The following DLGAP2 variants were observed in gnomAD, a reference collection of about 807,000 sequenced individuals.
DLGAP2 encodes DLG associated protein 2, also known as disks large-associated protein 2.
A neutral mutation model predicts 100.3 loss-of-function variants in DLGAP2; 26 were observed. The ratio of observed to expected loss-of-function variants is 0.26; its 90% CI spans 0.19 to 0.36. The LOEUF (loss-of-function observed/expected upper bound fraction) is 0.36, where lower values mean the gene tolerates loss of function less well. DLGAP2 is among the 10% of genes least tolerant of loss of function. DLGAP2 has a pLI of 1.00. For synonymous variants in DLGAP2, 886 were observed against 630.1 expected (o/e 1.41, Z -6.08); for missense variants, 1,858 against 1,453.2 (o/e 1.28, Z -4.53).
chr8:897,679 C>G (rs1166148936), intron 1 of DLGAP2, among the ~76,000 whole-genome samples: 1 of 152,144 alleles, frequency 6.6e-6, no homozygotes, highest in South Asian at 2.1e-4. Context: ...GGCAGCCGCT[C>G]TCCTCCCGCC....
At chr8:1,413,807 C>G (rs1377801720) in intron 3 of DLGAP2, among the ~76,000 whole-genome samples, 2 of 152,264 alleles carry the variant, frequency 1.3e-5, no homozygotes, top group East Asian at 3.8e-4. Context: ...TCAGTGCACA[C>G]ACGCCTGCCA....
At chr8:1,405,283 C>T (rs1291438475) in intron 3 of DLGAP2, among the ~76,000 whole-genome samples, 161 of 8,634 alleles carry the variant, frequency 0.019, 34 homozygotes, top group African/African-American at 0.073. Flanking sequence ...GCTTACTGAG[C>T]GCTCCCTCCT....
At chr8:1,450,794 A>C (rs1156554612) in intron 3 of DLGAP2, among the ~76,000 whole-genome samples, 2 of 152,190 alleles carry the variant, frequency 1.3e-5, no homozygotes, top group Non-Finnish European at 2.9e-5. Context: ...CCTGGGAGAC[A>C]GAAAAGTACT....
intron 6 of DLGAP2, among the ~76,000 whole-genome samples, chr8:1,602,710 T>C (rs1429884121): frequency 1.3e-5 from 2 of 152,232 alleles, no homozygotes; most frequent in Admixed American, 1.3e-4. Flanking sequence ...CATTCATTCA[T>C]TTATTCATCC....
intron 4 of DLGAP2, among the ~76,000 whole-genome samples, chr8:1,508,903 C>G (rs566898832): frequency 6.6e-6 from 1 of 152,208 alleles, no homozygotes; most frequent in East Asian, 2.0e-4. Flanking sequence ...TTGCCACATT[C>G]TCAATGGTTT....
intron 3 of DLGAP2, among the ~76,000 whole-genome samples, chr8:1,327,773 G>C (rs537631304): frequency 2.8e-4 from 42 of 152,326 alleles, no homozygotes; most frequent in African/African-American, 9.6e-4. Context: ...GAACCCAGGA[G>C]GGGGAGCTTG....
intron 1 of DLGAP2, among the ~76,000 whole-genome samples, chr8:850,504 G>A (rs915851485): frequency 1.3e-5 from 2 of 152,026 alleles, no homozygotes; most frequent in African/African-American, 4.8e-5. Context: ...GAATATTTTG[G>A]AATAGGGAAA....
chr8:1,194,760 A>T (rs189798257), intron 2 of DLGAP2, among the ~76,000 whole-genome samples: 37 of 152,240 alleles, frequency 2.4e-4, no homozygotes, highest in Admixed American at 8.5e-4. Context: ...ATTAGACCTG[A>T]AGTTTGGAAC....
intron 3 of DLGAP2, among the ~76,000 whole-genome samples, chr8:1,467,579 T>G (rs11987128): frequency 6.6e-6 from 1 of 151,952 alleles, no homozygotes; most frequent in Non-Finnish European, 1.5e-5. Context: ...GGGCATTTGG[T>G]GTGCACAGAG....
intron 4 of DLGAP2, among the ~76,000 whole-genome samples, chr8:1,528,417 C>T: frequency 6.6e-6 from 1 of 152,248 alleles, no homozygotes; most frequent in Non-Finnish European, 1.5e-5. Flanking sequence ...CAGAAGACGT[C>T]ATAAACTCCT....
chr8:1,055,766 G>A (rs562323938), intron 2 of DLGAP2, among the ~76,000 whole-genome samples: 2 of 152,290 alleles, frequency 1.3e-5, no homozygotes, highest in East Asian at 1.9e-4. Flanking sequence ...GAGTTTTCAC[G>A]GCTCATTCCA....
chr8:1,076,617 T>C (rs1372176818), intron 2 of DLGAP2, among the ~76,000 whole-genome samples: 1 of 152,192 alleles, frequency 6.6e-6, no homozygotes, highest in African/African-American at 2.4e-5. Context: ...TTAGAAACTT[T>C]GCGGTCTGTA....
At chr8:1,443,524 C>G (rs1403367951) in intron 3 of DLGAP2, among the ~76,000 whole-genome samples, 1 of 152,104 alleles carries the variant, frequency 6.6e-6, no homozygotes, top group African/African-American at 2.4e-5. Context: ...CTGTTCTCAC[C>G]CTGCTAATAA....
chr8:1,550,032 C>T (rs912759840), intron 5 of DLGAP2, among the ~76,000 whole-genome samples: 2 of 152,200 alleles, frequency 1.3e-5, no homozygotes, highest in Non-Finnish European at 2.9e-5. Context: ...TCTTCCCCAT[C>T]CCCAGTCCCT....
At chr8:1,392,238 G>A (rs780895462) in intron 3 of DLGAP2, among the ~76,000 whole-genome samples, 1 of 152,164 alleles carries the variant, frequency 6.6e-6, no homozygotes, top group Non-Finnish European at 1.5e-5. Context: ...AAGTGGACGT[G>A]AGGATGAGTC....
chr8:931,091 C>G (rs1187963293), intron 2 of DLGAP2, among the ~76,000 whole-genome samples: 1 of 151,448 alleles, frequency 6.6e-6, no homozygotes, highest in Non-Finnish European at 1.5e-5. Flanking sequence ...TTTTTTGCAG[C>G]TGAATAGAAA....
chr8:1,523,074 C>T (rs1800662207), intron 4 of DLGAP2, among the ~76,000 whole-genome samples: 1 of 152,222 alleles, frequency 6.6e-6, no homozygotes, highest in Non-Finnish European at 1.5e-5. Context: ...GGCTGGGAAC[C>T]TGCAGACGGC....
chr8:1,320,040 C>T (rs1458048108), intron 3 of DLGAP2, among the ~76,000 whole-genome samples: 1 of 152,058 alleles, frequency 6.6e-6, no homozygotes, highest in Non-Finnish European at 1.5e-5. Context: ...GTGTTGCGGC[C>T]TCTGGGCCCA....
intron 1 of DLGAP2, among the ~76,000 whole-genome samples, chr8:849,770 T>G (rs1585929577): frequency 6.6e-6 from 1 of 152,190 alleles, no homozygotes; most frequent in Non-Finnish European, 1.5e-5. Flanking sequence ...TGTTCAAATC[T>G]TTTTCTCACT....
Sources: allele counts gnomAD v4.1 joint callset (sites outside exome capture counted in the v4.1 genomes callset), GRCh38; gene constraint gnomAD v4.1.1; transcripts MANE v1.5; gene names NCBI Gene and HGNC (gene_info 2026-07-23, HGNC 2026-07-21).